KCNT2: variants seen among roughly 807,000 people sequenced by gnomAD.
KCNT2 encodes potassium channel subfamily T member 2.
Under a neutral mutation model 153.8 loss-of-function variants are expected in KCNT2, and 67 were observed. That is an observed-to-expected ratio of 0.44 (90% confidence interval 0.36 to 0.53). KCNT2 has a LOEUF of 0.53. Ranked by LOEUF, KCNT2 falls within the 20% of genes least tolerant of loss-of-function variation. The pLI is 0.00. For missense variants in KCNT2, 975 were observed against 1,354.8 expected (o/e 0.72, Z 4.40); for synonymous variants, 500 against 458.8 (o/e 1.09, Z -1.15).
intron 1 of KCNT2, among the ~76,000 whole-genome samples, chr1:196,586,874 G>A (rs575014568): frequency 9.6e-4 from 146 of 152,072 alleles, no homozygotes; most frequent in African/African-American, 3.3e-3. Flanking sequence ...TATTTAATAA[G>A]TGCTAATAGG....
At chr1:196,449,845 GA>G (rs969133967) in intron 8 of KCNT2, among the ~76,000 whole-genome samples, 3 of 151,496 alleles carry the variant, frequency 2.0e-5, no homozygotes, top group African/African-American at 7.3e-5. Context: ...AATTTTAAAA[GA>G]AAAATTGACT....
chr1:196,312,148 C>T (rs775109458), intron 21 of KCNT2, among the ~76,000 whole-genome samples: 1 of 151,676 alleles, frequency 6.6e-6, no homozygotes, highest in Non-Finnish European at 1.5e-5. Flanking sequence ...TAAATAAAAA[C>T]CCTTTTGGGG....
At chr1:196,398,359 A>G (rs1671125167) in intron 13 of KCNT2, among the ~76,000 whole-genome samples, 1 of 151,566 alleles carries the variant, frequency 6.6e-6, no homozygotes, top group Admixed American at 6.6e-5. Flanking sequence ...ATATAAAAAA[A>G]TTAAGACTCA....
intron 1 of KCNT2, among the ~76,000 whole-genome samples, chr1:196,544,219 A>G (rs1462049992): frequency 6.6e-6 from 1 of 152,138 alleles, no homozygotes. Context: ...TATTGTAGAC[A>G]TATCTCTATG....
At chr1:196,529,370 G>A (rs190409502) in intron 1 of KCNT2, among the ~76,000 whole-genome samples, 160 of 152,186 alleles carry the variant, frequency 1.1e-3, no homozygotes, top group African/African-American at 3.8e-3. Context: ...TCGACCCCTT[G>A]ATGTTACAGC....
chr1:196,298,317 C>T (rs916152068), intron 22 of KCNT2, among the ~76,000 whole-genome samples: 1 of 152,218 alleles, frequency 6.6e-6, no homozygotes, highest in African/African-American at 2.4e-5. Flanking sequence ...CTCAAGCCAA[C>T]TGTATTCCTG....
intron 1 of KCNT2, among the ~76,000 whole-genome samples, chr1:196,591,712 G>C (rs2149002658): frequency 6.6e-6 from 1 of 152,224 alleles, no homozygotes; most frequent in African/African-American, 2.4e-5. Context: ...GTAAGTGTGG[G>C]ATGATATCCT....
At chr1:196,428,995 T>C (rs536817664) in intron 9 of KCNT2, among the ~76,000 whole-genome samples, 1 of 149,790 alleles carries the variant, frequency 6.7e-6, no homozygotes, top group African/African-American at 2.4e-5. Context: ...AATATTTACA[T>C]ACCATGTTCA....
intron 1 of KCNT2, among the ~76,000 whole-genome samples, chr1:196,507,190 C>T (rs1681216511): frequency 1.3e-5 from 2 of 152,048 alleles, no homozygotes; most frequent in African/African-American, 4.8e-5. Context: ...GAAACCATCT[C>T]AATACAATTT....
chr1:196,521,163 T>C (rs1653338400), intron 1 of KCNT2, among the ~76,000 whole-genome samples: 1 of 152,142 alleles, frequency 6.6e-6, no homozygotes, highest in Admixed American at 6.5e-5. Context: ...CAAAAGAAGA[T>C]ATACATGCAA....
chr1:196,487,539 A>G (rs1343181464), intron 3 of KCNT2, among the ~76,000 whole-genome samples: 1 of 151,862 alleles, frequency 6.6e-6, no homozygotes, highest in African/African-American at 2.4e-5. Context: ...TCCAGTAAAC[A>G]AAAAAATGCT....
chr1:196,501,963 C>CA (rs1444947688), intron 1 of KCNT2, among the ~76,000 whole-genome samples: 2 of 151,976 alleles, frequency 1.3e-5, no homozygotes, highest in Admixed American at 6.6e-5. Context: ...TACTAAAATA[C>CA]AAAAAACTAG....
chr1:196,437,964 T>C (rs1674874237), intron 8 of KCNT2, among the ~76,000 whole-genome samples: 1 of 151,486 alleles, frequency 6.6e-6, no homozygotes, highest in African/African-American at 2.4e-5. Context: ...CTATTACTAA[T>C]AATATCATAA....
chr1:196,597,371 CTTT>C (rs765766349), intron 1 of KCNT2, among the ~76,000 whole-genome samples: 1 of 145,338 alleles, frequency 6.9e-6, no homozygotes, highest in African/African-American at 2.5e-5. Flanking sequence ...ACCTCACGTA[CTTT>C]TTTTTTTTTT....
chr1:196,270,240 T>C (rs749617822), intron 25 of KCNT2, among the ~76,000 whole-genome samples: 1 of 151,972 alleles, frequency 6.6e-6, no homozygotes, highest in East Asian at 1.9e-4. Flanking sequence ...TGGTAGGGAT[T>C]ATAGTGGCCC....
chr1:196,590,336 C>G (rs1558113039), intron 1 of KCNT2, among the ~76,000 whole-genome samples: 1 of 152,196 alleles, frequency 6.6e-6, no homozygotes, highest in Non-Finnish European at 1.5e-5. Context: ...AATCCCACAT[C>G]TGCCACAGGT....
chr1:196,380,001 G>C (rs1669339608), intron 13 of KCNT2, among the ~76,000 whole-genome samples: 1 of 152,130 alleles, frequency 6.6e-6, no homozygotes, highest in African/African-American at 2.4e-5. Flanking sequence ...TGAAACAAAT[G>C]CCAACAGTAT....
chr1:196,282,377 C>A (rs772844222), intron 23 of KCNT2, 21 bp from the exon 24 acceptor site: 13 of 1,268,840 alleles, frequency 1.0e-5, no homozygotes, highest in Admixed American at 1.7e-5. Context: ...AACAAACAAA[C>A]AATATATAAA....
chr1:196,282,005 T>A (rs1659156765), intron 24 of KCNT2, among the ~76,000 whole-genome samples: 1 of 152,018 alleles, frequency 6.6e-6, no homozygotes, highest in African/African-American at 2.4e-5. Context: ...CGCCTCAGCC[T>A]CCCAAAGTGC....
Sources: allele counts gnomAD v4.1 joint callset (sites outside exome capture counted in the v4.1 genomes callset), GRCh38; gene constraint gnomAD v4.1.1; transcripts MANE v1.5; gene names NCBI Gene and HGNC (gene_info 2026-07-23, HGNC 2026-07-21).